Variants in SPHKAP observed in about 807,000 individuals in gnomAD.
SPHKAP encodes the protein A-kinase anchor protein SPHKAP.
In SPHKAP, 67 loss-of-function variants were observed where a neutral mutation model predicts 137.5. That is an observed-to-expected ratio of 0.49 (90% CI 0.40 to 0.60). The LOEUF (loss-of-function observed/expected upper bound fraction) is 0.60, where lower values mean the gene tolerates loss of function less well. SPHKAP is among the 20% of genes least tolerant of loss of function. The probability of loss-of-function intolerance (pLI) is 0.00; values close to 1 mark genes in which losing one functional copy is unlikely to be tolerated. For missense variants in SPHKAP, 2,097 were observed against 2,069.3 expected, an observed-to-expected ratio of 1.01 and a Z score of -0.26; for synonymous variants, 813 against 785.3, an observed-to-expected ratio of 1.04 and a Z score of -0.59.
chr2:227,989,403 C>T (rs145420162), intron 11 of SPHKAP, among the ~76,000 whole-genome samples: 1 of 152,168 alleles, frequency 6.6e-6, no homozygotes, highest in Non-Finnish European at 1.5e-5. Context: ...CATGGAGGCA[C>T]TTTGTGACAA....
chr2:228,156,371 G>C (rs1038124804), intron 1 of SPHKAP, among the ~76,000 whole-genome samples: 5 of 152,134 alleles, frequency 3.3e-5, no homozygotes, highest in Admixed American at 6.5e-5. Flanking sequence ...GGGCCTTCTT[G>C]TCACTGATTC....
At chr2:228,180,512 G>GT (rs1364782254) in intron 1 of SPHKAP, among the ~76,000 whole-genome samples, 2 of 152,138 alleles carry the variant, frequency 1.3e-5, no homozygotes, top group African/African-American at 4.8e-5. Flanking sequence ...CTAGGGCCTG[G>GT]TGCTCTGCTC....
intron 2 of SPHKAP, among the ~76,000 whole-genome samples, chr2:228,113,109 A>G (rs1278986739): frequency 6.6e-6 from 1 of 152,192 alleles, no homozygotes; most frequent in Non-Finnish European, 1.5e-5. Flanking sequence ...TTTGCCACAT[A>G]CATGCAACTT....
At chr2:228,177,852 G>A (rs1574923568) in intron 1 of SPHKAP, among the ~76,000 whole-genome samples, 1 of 152,168 alleles carries the variant, frequency 6.6e-6, no homozygotes, top group East Asian at 1.9e-4. Flanking sequence ...GTTTACATTT[G>A]ATGAGTTTTG....
intron 3 of SPHKAP, among the ~76,000 whole-genome samples, chr2:228,061,632 A>T (rs1346270199): frequency 1.3e-5 from 2 of 152,080 alleles, no homozygotes; most frequent in Non-Finnish European, 2.9e-5. Flanking sequence ...TTACTGGGTA[A>T]ATAGACTTTA....
At chr2:228,122,473 A>G (rs567554810) in intron 2 of SPHKAP, among the ~76,000 whole-genome samples, 1 of 152,342 alleles carries the variant, frequency 6.6e-6, no homozygotes, top group South Asian at 2.1e-4. Flanking sequence ...TTCAGAGTCC[A>G]GAAGAGAAGT....
At chr2:227,993,708 T>A in intron 8 of SPHKAP, 88 bp from the exon 9 acceptor site, 1 of 1,187,202 alleles carries the variant, frequency 8.4e-7, no homozygotes, top group Non-Finnish European at 1.2e-6. Flanking sequence ...TACAAGCTCC[T>A]TCCTTTGGTC....
intron 7 of SPHKAP, among the ~76,000 whole-genome samples, chr2:228,013,457 G>C (rs928641960): frequency 9.9e-5 from 15 of 152,130 alleles, no homozygotes; most frequent in African/African-American, 3.6e-4. Flanking sequence ...ACCTTGGCCA[G>C]GCTGGTCTTG....
chr2:228,048,263 T>C (rs1449939666), intron 3 of SPHKAP, among the ~76,000 whole-genome samples: 12 of 151,468 alleles, frequency 7.9e-5, no homozygotes, highest in Non-Finnish European at 1.2e-4. Flanking sequence ...AGTCACTTCT[T>C]TGGTTTACAT....
rs1692950918 is a variant in SPHKAP, at chr2:227,980,282, G to T, written c.*1435C>A. The T allele has an allele frequency of 6.6e-6, 1 of 152,202 alleles. No homozygotes were observed. The highest frequency in any genetic ancestry group is 2.4e-5 in the African/African-American group (1 of 41,450). 9.4% of individuals were successfully genotyped at this position (152,202 alleles called of 1,614,324 possible). A position where few individuals can be genotyped will look rare whatever the true frequency, so the allele number is the denominator to read the frequency against. ...TAATGAGCACTGGGCAAGTATCCTA[G>T]GATGGGAGTGGGGAAGGAAGTATGG... On this transcript the variant is annotated 3_prime_UTR_variant, in exon 12 of 12. Transcript: ENST00000392056.
intron 11 of SPHKAP, among the ~76,000 whole-genome samples, chr2:227,988,333 G>C (rs1199999611): frequency 2.0e-5 from 3 of 152,246 alleles, no homozygotes; most frequent in African/African-American, 7.2e-5. Context: ...TCTTGAGCTG[G>C]TGCTAATTGA....
chr2:227,988,386 G>A (rs1023809453), intron 11 of SPHKAP, among the ~76,000 whole-genome samples: 1 of 152,070 alleles, frequency 6.6e-6, no homozygotes, highest in Non-Finnish European at 1.5e-5. Flanking sequence ...TAACATTAGC[G>A]GAATGTCTAT....
At chr2:228,092,247 G>A in intron 3 of SPHKAP, among the ~76,000 whole-genome samples, 1 of 144,716 alleles carries the variant, frequency 6.9e-6, no homozygotes, top group East Asian at 2.1e-4. Flanking sequence ...ATACACACGT[G>A]TATATGTGTG....
rs139499722 is a variant in SPHKAP, at chr2:228,113,603, A to ATCTCTCTCTCTCTCTCTCTCTCTC, written c.139-4688_139-4665dup. Reference sequence around the variant, plus strand: ...CAAATCCCAGTCTATGCATTTAGCCATCTCTCTCTCTCTCTCTCTCTCTCT... The same window carrying ATCTCTCTCTCTCTCTCTCTCTCTC: ...CAAATCCCAGTCTATGCATTTAGCCATCTCTCTCTCTCTCTCTCTCTCTCTCTCTCTCTCTCTCTCTCTCTCTCT... On this transcript the variant is annotated intron_variant, in intron 2 of 11. Coordinates refer to ENST00000392056, the MANE Select transcript of SPHKAP (RefSeq NM_001142644.2). 5.5e-4 allele frequency among the ~76,000 whole-genome samples: 54 copies of ATCTCTCTCTCTCTCTCTCTCTCTC among 97,950 alleles called. 2 individuals carry two copies. Among genetic ancestry groups the ATCTCTCTCTCTCTCTCTCTCTCTC allele is most frequent in the South Asian group, 2.0e-3 (5 of 2,450 alleles). The allele number at this position is 97,950 out of a possible 152,430, so 64.3% of individuals were successfully genotyped here.
At chr2:228,046,095 T>C (rs930969893) in intron 3 of SPHKAP, among the ~76,000 whole-genome samples, 10 of 151,888 alleles carry the variant, frequency 6.6e-5, no homozygotes, top group African/African-American at 2.4e-4. Flanking sequence ...CACACACACA[T>C]ACGGTAATTA....
chr2:228,020,536 G>A (rs1411301678), intron 6 of SPHKAP, among the ~76,000 whole-genome samples: 1 of 152,130 alleles, frequency 6.6e-6, no homozygotes, highest in African/African-American at 2.4e-5. Flanking sequence ...CTTGGATGCA[G>A]GGTGGGGAAC....
chr2:228,057,424 G>T (rs145482208), intron 3 of SPHKAP, among the ~76,000 whole-genome samples: 1 of 152,056 alleles, frequency 6.6e-6, no homozygotes, highest in Middle Eastern at 3.2e-3. Flanking sequence ...TGTTTTATTC[G>T]TCACTTGGGA....
chr2:228,129,784 G>C (rs1015580853), intron 2 of SPHKAP, among the ~76,000 whole-genome samples: 4 of 147,968 alleles, frequency 2.7e-5, no homozygotes, highest in Admixed American at 1.3e-4. Context: ...ATTAGCTTTA[G>C]TTTTAATTTT....
chr2:228,046,291 C>CTTTTTTTTTTTTTTTTTT (rs58510792), intron 3 of SPHKAP, among the ~76,000 whole-genome samples: 4 of 82,530 alleles, frequency 4.8e-5, no homozygotes, highest in Non-Finnish European at 6.6e-5. Flanking sequence ...TGTTGTTATT[C>CTTTTTTTTTTTTTTTTTT]TTTTTTTTTT....
Sources: allele counts gnomAD v4.1 joint callset (sites outside exome capture counted in the v4.1 genomes callset), GRCh38; gene constraint gnomAD v4.1.1; transcripts MANE v1.5; gene names NCBI Gene and HGNC (gene_info 2026-07-23, HGNC 2026-07-21).